CSMD3: variants seen among roughly 807,000 people sequenced by gnomAD.
CSMD3 encodes CUB and sushi domain-containing protein 3.
A neutral mutation model predicts 435.2 loss-of-function variants in CSMD3; 177 were observed. The observed-to-expected ratio is 0.41, with a 90% CI of 0.36 to 0.46. The LOEUF (loss-of-function observed/expected upper bound fraction) is 0.46. Among genes scored for constraint, CSMD3 ranks in the 20% least tolerant of loss-of-function variants. The probability of loss-of-function intolerance (pLI) is 0.34; values close to 1 mark genes in which losing one functional copy is unlikely to be tolerated. For missense variants in CSMD3, 4,265 were observed against 4,504.6 expected (o/e 0.95, Z 1.52); for synonymous variants, 1,656 against 1,520.5 (o/e 1.09, Z -2.07).
chr8:112,983,692 T>C (rs1437475687), intron 6 of CSMD3, among the ~76,000 whole-genome samples: 2 of 151,636 alleles, frequency 1.3e-5, no homozygotes, highest in African/African-American at 4.8e-5. Flanking sequence ...CATAAGACCA[T>C]TTAGTGATTT....
chr8:113,035,082 A>G (rs1480304490), intron 5 of CSMD3, among the ~76,000 whole-genome samples: 1 of 152,066 alleles, frequency 6.6e-6, no homozygotes, highest in Non-Finnish European at 1.5e-5. Context: ...GAGAAAAAAG[A>G]AAACAATCTA....
intron 27 of CSMD3, among the ~76,000 whole-genome samples, chr8:112,524,686 A>C (rs1824671592): frequency 6.6e-6 from 1 of 152,034 alleles, no homozygotes; most frequent in Non-Finnish European, 1.5e-5. Context: ...AAATAAAATT[A>C]TATAATTAAA....
chr8:113,155,377 A>G (rs975352172), intron 4 of CSMD3, among the ~76,000 whole-genome samples: 18 of 152,076 alleles, frequency 1.2e-4, no homozygotes, highest in Non-Finnish European at 1.3e-4. Flanking sequence ...TAGAAATTCA[A>G]TAAAAGTTAG....
intron 31 of CSMD3, among the ~76,000 whole-genome samples, chr8:112,477,985 G>C (rs1819236302): frequency 6.6e-6 from 1 of 151,486 alleles, no homozygotes; most frequent in African/African-American, 2.4e-5. Context: ...TCTTGTGATA[G>C]GGAATAAGTC....
chr8:112,982,325 A>G (rs139665109), intron 6 of CSMD3, among the ~76,000 whole-genome samples: 8 of 152,092 alleles, frequency 5.3e-5, no homozygotes, highest in African/African-American at 1.7e-4. Flanking sequence ...TAAATGTTGA[A>G]GACCTAGGTT....
At chr8:112,913,151 T>C (rs1430795120) in intron 10 of CSMD3, among the ~76,000 whole-genome samples, 2 of 151,860 alleles carry the variant, frequency 1.3e-5, no homozygotes, top group Non-Finnish European at 2.9e-5. Context: ...CCTAGTACCC[T>C]AGAGCAGTGG....
intron 4 of CSMD3, among the ~76,000 whole-genome samples, chr8:113,111,188 G>A (rs2090628202): frequency 6.6e-6 from 1 of 152,038 alleles, no homozygotes. Context: ...CAGGTCAGAA[G>A]TTTTCAAAGA....
chr8:113,334,118 A>G (rs1027618321), intron 1 of CSMD3, among the ~76,000 whole-genome samples: 1 of 151,878 alleles, frequency 6.6e-6, no homozygotes, highest in Non-Finnish European at 1.5e-5. Flanking sequence ...TTGTATCTGT[A>G]ACCCAGTTGA....
intron 32 of CSMD3, among the ~76,000 whole-genome samples, chr8:112,431,859 G>T (rs548314409): frequency 2.0e-5 from 3 of 152,044 alleles, no homozygotes; most frequent in Non-Finnish European, 4.4e-5. Flanking sequence ...AATAGACAAA[G>T]CTTAGTAACT....
At chr8:112,988,434 C>G (rs993415276) in intron 6 of CSMD3, among the ~76,000 whole-genome samples, 3 of 151,996 alleles carry the variant, frequency 2.0e-5, no homozygotes, top group African/African-American at 7.2e-5. Flanking sequence ...TTTGATACCT[C>G]TATGTTCTAT....
At chr8:113,312,823 T>A (rs755304496) in intron 2 of CSMD3, 1 of 152,176 alleles carries the variant, frequency 6.6e-6, no homozygotes, top group Non-Finnish European at 1.5e-5. Flanking sequence ...CGTACCATAA[T>A]GTATATTTAT....
At chr8:112,437,322 G>T (rs1442451580) in intron 32 of CSMD3, among the ~76,000 whole-genome samples, 1 of 151,948 alleles carries the variant, frequency 6.6e-6, no homozygotes, top group Non-Finnish European at 1.5e-5. Context: ...ACATTTCATT[G>T]ATTTTAAATG....
At chr8:112,618,875 A>G (rs1292443942) in intron 22 of CSMD3, among the ~76,000 whole-genome samples, 6 of 152,102 alleles carry the variant, frequency 3.9e-5, no homozygotes. Context: ...AATTCACTTC[A>G]AATAATTTTA....
At chr8:112,610,066 A>G (rs1157897738) in intron 22 of CSMD3, among the ~76,000 whole-genome samples, 1 of 152,104 alleles carries the variant, frequency 6.6e-6, no homozygotes, top group African/African-American at 2.4e-5. Context: ...TTACAGCTGT[A>G]AGATGAATAA....
intron 3 of CSMD3, among the ~76,000 whole-genome samples, chr8:113,224,735 T>C (rs2093007198): frequency 6.6e-6 from 1 of 151,210 alleles, no homozygotes; most frequent in Non-Finnish European, 1.5e-5. Context: ...CTTCCAACAT[T>C]CACAGAGGAG....
intron 67 of CSMD3, 96 bp from the exon 68 acceptor site, chr8:112,234,573 T>C (rs1813398873): frequency 1.3e-6 from 1 of 776,918 alleles, no homozygotes; most frequent in African/African-American, 1.8e-5. Context: ...ATGTAAGATA[T>C]GTAATTAAAA....
intron 13 of CSMD3, among the ~76,000 whole-genome samples, chr8:112,742,356 T>A (rs1330019024): frequency 6.6e-6 from 1 of 151,950 alleles, no homozygotes; most frequent in Non-Finnish European, 1.5e-5. Flanking sequence ...AGAAAAAATC[T>A]TTGATAGGCT....
intron 57 of CSMD3, among the ~76,000 whole-genome samples, chr8:112,287,911 T>C (rs1819371413): frequency 6.6e-6 from 1 of 152,104 alleles, no homozygotes; most frequent in Non-Finnish European, 1.5e-5. Context: ...CATCTTTTGA[T>C]TTTAGTGTTA....
intron 35 of CSMD3, among the ~76,000 whole-genome samples, chr8:112,405,989 A>T (rs948416954): frequency 6.6e-6 from 1 of 151,844 alleles, no homozygotes; most frequent in Non-Finnish European, 1.5e-5. Flanking sequence ...ACTACAGTCA[A>T]TAACAACTTA....
Sources: allele counts gnomAD v4.1 joint callset (sites outside exome capture counted in the v4.1 genomes callset), GRCh38; gene constraint gnomAD v4.1.1; transcripts MANE v1.5; gene names NCBI Gene and HGNC (gene_info 2026-07-23, HGNC 2026-07-21).